COL4A4: variants seen among roughly 807,000 people sequenced by gnomAD.
The protein encoded by COL4A4 is collagen type IV alpha 4 chain, also known as collagen alpha-4(IV) chain.
In COL4A4, 105 loss-of-function variants were observed where a neutral mutation model predicts 192.9. The ratio of observed to expected loss-of-function variants is 0.54; its 90% CI spans 0.46 to 0.64. The LOEUF (loss-of-function observed/expected upper bound fraction) is 0.64. Ranked by LOEUF, COL4A4 falls within the 30% of genes least tolerant of loss-of-function variation. COL4A4 has a pLI of 0.00. For synonymous variants in COL4A4, 762 were observed against 769.9 expected, an observed-to-expected ratio of 0.99 and a Z score of 0.17; for missense variants, 1,967 against 2,169.3, an observed-to-expected ratio of 0.91 and a Z score of 1.85.
the COL4A4 span, among the ~76,000 whole-genome samples, chr2:226,979,089 G>A: frequency 1.3e-5 from 2 of 152,134 alleles, no homozygotes; most frequent in African/African-American, 2.4e-5. Context: ...AGCTATTCGT[G>A]TGGCTCATTC....
At chr2:227,115,417 C>T (rs528502544) in intron 7 of COL4A4, among the ~76,000 whole-genome samples, 348 of 151,804 alleles carry the variant, frequency 2.3e-3, no homozygotes, top group African/African-American at 8.2e-3. Flanking sequence ...ACTACAGGCA[C>T]CCACCACCGT....
intron 8 of COL4A4, among the ~76,000 whole-genome samples, chr2:227,113,964 A>G (rs541277556): frequency 6.6e-6 from 1 of 152,262 alleles, no homozygotes; most frequent in South Asian, 2.1e-4. Context: ...TCACTCATCC[A>G]TGGCTTCTCA....
Position 227,074,194 on chromosome 2 carries a change from A to G in COL4A4, c.1987+3700T>C, listed in dbSNP as rs189935564. Reference sequence around the variant, plus strand: ...GCGGAATCTACAAAGAACTCAAACAAAACACCAAGAAAAAAACAAATAATC... The same window carrying G: ...GCGGAATCTACAAAGAACTCAAACAGAACACCAAGAAAAAAACAAATAATC... On this transcript the variant is annotated intron_variant, in intron 25 of 47. Coordinates refer to ENST00000396625, the MANE Select transcript of COL4A4 (RefSeq NM_000092.5). 2.6e-3 allele frequency among the ~76,000 whole-genome samples: 401 copies of G among 152,184 alleles called. 1 individual carries two copies. Among genetic ancestry groups the G allele is most frequent in the Non-Finnish European group, 4.5e-3 (309 of 67,952 alleles).
chr2:227,041,783 GAAGGGAAAGAAAGAAAGAAAGGAAGAAA>G (rs1971059317), intron 37 of COL4A4, among the ~76,000 whole-genome samples: 1 of 55,836 alleles, frequency 1.8e-5, no homozygotes, highest in East Asian at 7.5e-4. Context: ...AGGAAGGAAG[GAAGGGAAAGAAAGAAAGAAAGGAAGAAA>G]GAAAGAAAGA....
chr2:226,997,721 T>C (rs148450110), downstream of COL4A4: 13 of 152,306 alleles, frequency 8.5e-5, no homozygotes, highest in African/African-American at 3.1e-4. Context: ...TTTTGGGTGG[T>C]AAAATTGTGA....
At chr2:227,062,745 C>A in intron 25 of COL4A4, 147 bp from the exon 26 acceptor site, 1 of 681,554 alleles carries the variant, frequency 1.5e-6, no homozygotes, top group Non-Finnish European at 2.7e-6. Context: ...ATCATTAGAT[C>A]ACTTAAGCTG....
At position 227,135,873 on chromosome 2, in the gene COL4A4, A is replaced by T. The variant is rs533065830; in HGVS notation, c.192+4288T>A. Reference sequence around the variant, plus strand: ...TGGCCAGGCTGGTCTGGAATTCCTGACCTCAGGTGATCCACCCACCTCAGC... The same window carrying T: ...TGGCCAGGCTGGTCTGGAATTCCTGTCCTCAGGTGATCCACCCACCTCAGC... On this transcript the variant is annotated intron_variant, in intron 4 of 47. Transcript: ENST00000396625. Among the ~76,000 whole-genome samples, 79 of 151,952 alleles carry T rather than the reference A, an allele frequency of 5.2e-4. 1 individual carries two copies. The highest frequency in any genetic ancestry group is 1.8e-3 in the African/African-American group (76 of 41,426).
chr2:227,055,060 G>A (rs1246234047), intron 30 of COL4A4, among the ~76,000 whole-genome samples: 3 of 152,184 alleles, frequency 2.0e-5, no homozygotes, highest in African/African-American at 7.2e-5. Context: ...AAAGTGCTGG[G>A]ATTATAGGTG....
chr2:226,996,828 CAT>C, the COL4A4 span: 8 of 152,132 alleles, frequency 5.3e-5, no homozygotes, highest in Non-Finnish European at 1.0e-4. Flanking sequence ...TATTTAATAA[CAT>C]ATAGTCAAGA....
Position 227,022,113 on chromosome 2 carries a change from G to A in COL4A4, c.4151C>T (p.Ala1384Val), listed in dbSNP as rs199911379. 84 of 1,613,828 alleles carry A rather than the reference G, an allele frequency of 5.2e-5. No individual in the cohort carries two copies. Among genetic ancestry groups the A allele is most frequent in the African/African-American group, 8.0e-5 (6 of 74,874 alleles). Residue 1384 changes from alanine (A) to valine (V), a missense_variant, in exon 44 of 48, where the codon GCG becomes GTG. Transcript: ENST00000396625. ...DCPRIPGLPG[A>V]PGMRGPEGAM... ...TCCTTCTGGTCCTCTCATGCCTGGC[G>A]CCCCAGGAAGGCCTGGGATTCGGGG...
chr2:227,007,271 T>C lies in COL4A4; in HGVS notation c.*54A>G. The C allele has an allele frequency of 1.2e-6, 2 of 1,610,050 alleles. No individual in the cohort carries two copies. The highest frequency in any genetic ancestry group is 8.5e-7 in the Non-Finnish European group (1 of 1,176,582). Reference sequence around the variant, plus strand: ...ACATCTCTTAGCACAGTCTAGGAAGTCTTAGCCCCCTAGGAAGTTTCTCTT... The same window carrying C: ...ACATCTCTTAGCACAGTCTAGGAAGCCTTAGCCCCCTAGGAAGTTTCTCTT... On this transcript the variant is annotated 3_prime_UTR_variant, in exon 48 of 48. Transcript: ENST00000396625.
At chr2:227,014,434 C>A (rs900867309) in intron 44 of COL4A4, among the ~76,000 whole-genome samples, 2 of 152,208 alleles carry the variant, frequency 1.3e-5, no homozygotes, top group African/African-American at 2.4e-5. Flanking sequence ...ATGACCTTGG[C>A]GGCATATTTT....
chr2:227,085,112 CA>C (rs1462012582), intron 22 of COL4A4, among the ~76,000 whole-genome samples: 49 of 148,616 alleles, frequency 3.3e-4, no homozygotes, highest in African/African-American at 1.1e-3. Flanking sequence ...GCCTGGGCGA[CA>C]AGAGTGAAAT....
At chr2:227,151,338 A>G (rs145809924) in intron 1 of COL4A4, among the ~76,000 whole-genome samples, 5 of 152,336 alleles carry the variant, frequency 3.3e-5, no homozygotes, top group African/African-American at 4.8e-5. Context: ...TAATCTTGAT[A>G]AACAATTATT....
intron 20 of COL4A4, among the ~76,000 whole-genome samples, chr2:227,092,727 A>C (rs2060004851): frequency 6.6e-6 from 1 of 152,222 alleles, no homozygotes; most frequent in Non-Finnish European, 1.5e-5. Flanking sequence ...TGGCCCTTAT[A>C]TAACCAACTA....
chr2:227,050,726 G>C (rs149219966), intron 33 of COL4A4, among the ~76,000 whole-genome samples: 1 of 152,308 alleles, frequency 6.6e-6, no homozygotes, highest in African/African-American at 2.4e-5. Context: ...TTCATGGGTG[G>C]TTTAAACCAG....
chr2:227,020,028 C>G lies in COL4A4; in HGVS notation c.4216+2020G>C, dbSNP rs558537148. 1.2e-3 allele frequency among the ~76,000 whole-genome samples: 188 copies of G among 152,300 alleles called. 3 individuals are homozygous for G. Among genetic ancestry groups the G allele is most frequent in the African/African-American group, 4.4e-3 (184 of 41,560 alleles). On this transcript the variant is annotated intron_variant, in intron 44 of 47. Coordinates refer to ENST00000396625, the MANE Select transcript of COL4A4 (RefSeq NM_000092.5). ...ACCATTACTTTAAGTTATTTATATT[C>G]TGCTGGCTATTTCTTTCATGGGATT...
intron 22 of COL4A4, among the ~76,000 whole-genome samples, chr2:227,088,394 A>T (rs1028936722): frequency 6.6e-6 from 1 of 152,092 alleles, no homozygotes; most frequent in African/African-American, 2.4e-5. Flanking sequence ...GTGAGTTCTC[A>T]TGAGATCTGA....
At chr2:227,062,967 A>G (rs2150315679) in intron 25 of COL4A4, among the ~76,000 whole-genome samples, 1 of 152,366 alleles carries the variant, frequency 6.6e-6, no homozygotes, top group South Asian at 2.1e-4. Flanking sequence ...ATGCATATCT[A>G]ACACAATAGA....
Sources: gnomAD v4.1 joint callset for allele counts (sites outside exome capture counted in the v4.1 genomes callset) on GRCh38, gnomAD v4.1.1 for gene constraint, MANE v1.5 for transcripts, NCBI Gene and HGNC (gene_info 2026-07-23, HGNC 2026-07-21) for gene names.